Variants in ALMS1 observed in about 807,000 individuals in gnomAD.
ALMS1 encodes the protein centrosome-associated protein ALMS1.
ALMS1 carries 271 observed loss-of-function variants against 352.2 expected under a neutral mutation model. That is an observed-to-expected ratio of 0.77 (90% confidence interval 0.70 to 0.85). The LOEUF (loss-of-function observed/expected upper bound fraction) is 0.85, where lower values mean the gene tolerates loss of function less well. Ranked by LOEUF, ALMS1 falls within the 40% of genes least tolerant of loss-of-function variation. The probability of loss-of-function intolerance (pLI) is 0.00; values close to 1 mark genes in which losing one functional copy is unlikely to be tolerated. For synonymous variants in ALMS1, 1,865 were observed against 1,761.2 expected, an observed-to-expected ratio of 1.06 and a Z score of -1.48; for missense variants, 5,445 against 4,870.7, an observed-to-expected ratio of 1.12 and a Z score of -3.51.
At chr2:73,584,275 A>G (rs1467265761) in intron 16 of ALMS1, among the ~76,000 whole-genome samples, 1 of 152,212 alleles carries the variant, frequency 6.6e-6, no homozygotes, top group African/African-American at 2.4e-5. Flanking sequence ...TAGTATTACT[A>G]TATTGACTAG....
Position 73,559,066 on chromosome 2 carries a change from G to T in ALMS1, c.10308G>T (p.Glu3436Asp). The change falls in exon 15 of 23, where the codon GAG (glutamate) becomes GAT (aspartate). Residue 3436 changes from glutamate (E) to aspartate (D), a missense_variant. Physicochemically the swap from Glu to Asp is conservative, Grantham distance 45. Transcript: ENST00000613296. The stretch of plus-strand genomic sequence containing the variant: ...ACACTAAAGCCATTACACAGAAAGA[G>T]GAGATCCATAGGAAGAAGACAGTTC... Reference protein sequence around the residue: ...LPDTKAITQKEEIHRKKTVPE... With the variant: ...LPDTKAITQKDEIHRKKTVPE... 6.2e-7 allele frequency: 1 copy of T among 1,614,010 alleles called. No individual in the cohort carries two copies. The highest frequency in any genetic ancestry group is 8.5e-7 in the Non-Finnish European group (1 of 1,179,960).
chr2:73,543,213 A>G (rs992060629), intron 12 of ALMS1, among the ~76,000 whole-genome samples: 14 of 152,190 alleles, frequency 9.2e-5, no homozygotes, highest in African/African-American at 3.1e-4. Flanking sequence ...ATAATGCCGC[A>G]TATCTACAGC....
intron 2 of ALMS1, 143 bp downstream of exon 2, chr2:73,408,890 T>TA (rs1671024037): frequency 8.4e-6 from 6 of 711,314 alleles, no homozygotes; most frequent in South Asian, 2.2e-5. Flanking sequence ...TTTTTTTTTT[T>TA]AAGACAGGGT....
intron 16 of ALMS1, among the ~76,000 whole-genome samples, chr2:73,579,071 ATTTATTTT>A (rs1485711940): frequency 7.7e-6 from 1 of 130,470 alleles, no homozygotes; most frequent in East Asian, 2.2e-4. Context: ...TTCTTTTTTT[ATTTATTTT>A]TTTTTTTGAG....
intron 12 of ALMS1, among the ~76,000 whole-genome samples, chr2:73,542,744 T>C (rs1046909763): frequency 7.2e-5 from 11 of 152,012 alleles, no homozygotes; most frequent in African/African-American, 2.7e-4. Context: ...AGCCAAATCA[T>C]GAGTGAACTC....
chr2:73,538,205 C>T (rs1417173168), intron 12 of ALMS1, among the ~76,000 whole-genome samples: 2 of 152,046 alleles, frequency 1.3e-5, no homozygotes, highest in African/African-American at 4.8e-5. Context: ...TACAACTCAA[C>T]AACAATAACC....
In ALMS1 at chr2:73,603,360, T is replaced by C. The variant is rs974500964; in HGVS notation, c.12362+56T>C. 8 of 1,532,284 alleles carry C rather than the reference T, an allele frequency of 5.2e-6. No individual in the cohort carries two copies. The African/African-American group carries it at 9.7e-5, about 19-fold the overall frequency. 94.9% of individuals were successfully genotyped at this position (1,532,284 alleles called of 1,614,324 possible). ...AAGTGTAAACCAGGCCACCAAGTGGTCGGGAGCTCTGGCTTGCACCCAGAA... is the reference window on the plus strand; with the variant it reads ...AAGTGTAAACCAGGCCACCAAGTGGCCGGGAGCTCTGGCTTGCACCCAGAA... On this transcript the variant is annotated intron_variant, in intron 21 of 22. Transcript: ENST00000613296.
rs1376179820 is a variant in ALMS1 at position 73,453,683 on chromosome 2, T to A, written c.7156T>A (p.Ser2386Thr). 1 of 1,614,080 alleles carries A rather than the reference T, an allele frequency of 6.2e-7. No individual in the cohort carries two copies. The highest frequency in any genetic ancestry group is 8.5e-7 in the Non-Finnish European group (1 of 1,180,010). The change falls in exon 8 of 23, where the codon TCT becomes ACT. Residue 2386 changes from serine to threonine, a missense_variant. Coordinates refer to ENST00000613296, the MANE Select transcript of ALMS1 (RefSeq NM_001378454.1). ...ETLRQYQAAK[S>T]VMRSEPEGCS... ...TCTTAGGCAATATCAAGCAGCCAAATCTGTAATGAGGTCTGAACCTGAAGG... is the reference window on the plus strand; with the variant it reads ...TCTTAGGCAATATCAAGCAGCCAAAACTGTAATGAGGTCTGAACCTGAAGG...
Position 73,601,212 on chromosome 2 carries a change from C to T in ALMS1, c.11890C>T (p.Pro3964Ser), listed in dbSNP as rs776483188. The T allele has an allele frequency of 1.2e-6, 2 of 1,614,026 alleles. No homozygotes were observed. Among genetic ancestry groups the T allele is most frequent in the Admixed American group, 1.7e-5 (1 of 60,006 alleles). Residue 3964 changes from proline to serine, a missense_variant, in exon 19 of 23, where the codon CCT (proline) becomes TCT (serine). By Grantham distance (74) the Pro-to-Ser change is moderately conservative. Transcript: ENST00000613296. Reference sequence around the variant, plus strand: ...TCCTGTAGGAGTTTCCTGGTTTGTTCCTGTGGAAAATGTGGAGTCTAGATC... The same window carrying T: ...TCCTGTAGGAGTTTCCTGGTTTGTTTCTGTGGAAAATGTGGAGTCTAGATC... Reference protein sequence around the residue: ...NSHEGVSWFVPVENVESRSKK... With the variant: ...NSHEGVSWFVSVENVESRSKK...
intron 12 of ALMS1, among the ~76,000 whole-genome samples, chr2:73,541,095 A>G (rs139138654): frequency 0.064 from 9,670 of 152,250 alleles, 775 homozygotes; most frequent in African/African-American, 0.17. Context: ...TACCACACCT[A>G]TTCCAAAAGT....
intron 10 of ALMS1, among the ~76,000 whole-genome samples, chr2:73,497,450 T>C (rs1673132549): frequency 6.6e-6 from 1 of 152,138 alleles, no homozygotes; most frequent in South Asian, 2.1e-4. Flanking sequence ...CCCATAGGTT[T>C]ACAGGCATAC....
At chr2:73,464,434 T>G (rs983848314) in intron 9 of ALMS1, among the ~76,000 whole-genome samples, 4 of 152,178 alleles carry the variant, frequency 2.6e-5, no homozygotes, top group African/African-American at 9.7e-5. Flanking sequence ...GAGGTATTGA[T>G]GGGATGTATC....
chr2:73,601,441 A>T lies in ALMS1; in HGVS notation c.12114+5A>T. 1 of 1,613,922 alleles carries T rather than the reference A, an allele frequency of 6.2e-7. No individual in the cohort carries two copies. The highest frequency in any genetic ancestry group is 8.5e-7 in the Non-Finnish European group (1 of 1,179,880). On this transcript the variant is annotated splice_donor_5th_base_variant and intron_variant, in intron 19 of 22. Coordinates refer to ENST00000613296, the MANE Select transcript of ALMS1 (RefSeq NM_001378454.1). ...TTTGTGAGAGCAACCCTTCAGGTGC[A>T]GTGACGTTGACTTAACTTTAATGCT...
rs373614102 is a variant in ALMS1, at chr2:73,385,889, A to C, written c.21A>C (p.Pro7=). The C allele has an allele frequency of 2.4e-6, 2 of 834,196 alleles. No homozygotes were observed. Among genetic ancestry groups the C allele is most frequent in the Non-Finnish European group, 4.0e-6 (2 of 506,102 alleles). The allele number at this position is 834,196 out of a possible 1,614,324, so 51.7% of individuals were successfully genotyped here. Residue 7 remains proline (P), a synonymous_variant, in exon 1 of 23, where the codon CCA becomes CCC. Transcript: ENST00000613296. ...CCAACATGGAGCCCGAGGATCTGCC[A>C]TGGCCGGGCGAGCTGGAGGAGGAGG... MEPEDL[P]WPGELEEEEE... is the part of the protein sequence containing the mutation.
chr2:73,601,406 A>C lies in ALMS1; in HGVS notation c.12084A>C (p.Leu4028=). ...AGPGREAGRD[L]LRPFVRATLQ... ...CAGGCAGAGAGGCTGGCAGAGACCTACTGAGGCCATTTGTGAGAGCAACCC... is the reference window on the plus strand; with the variant it reads ...CAGGCAGAGAGGCTGGCAGAGACCTCCTGAGGCCATTTGTGAGAGCAACCC... Residue 4028 remains leucine (L), a synonymous_variant, in exon 19 of 23, where the codon CTA becomes CTC. Transcript: ENST00000613296. 1 of 1,614,034 alleles carries C rather than the reference A, an allele frequency of 6.2e-7. No individual in the cohort carries two copies. The highest frequency in any genetic ancestry group is 1.1e-5 in the South Asian group (1 of 91,086).
chr2:73,498,058 G>A (rs1234408293), intron 10 of ALMS1, among the ~76,000 whole-genome samples: 6 of 151,984 alleles, frequency 3.9e-5, no homozygotes, highest in Non-Finnish European at 7.4e-5. Context: ...ACACTATACT[G>A]TACTCTATTA....
At chr2:73,500,960 A>G (rs1673206404) in intron 10 of ALMS1, among the ~76,000 whole-genome samples, 1 of 152,154 alleles carries the variant, frequency 6.6e-6, no homozygotes, top group Non-Finnish European at 1.5e-5. Flanking sequence ...TTAACTGCAT[A>G]TGTGAGTTTC....
rs753597356 is a variant in ALMS1, at chr2:73,491,238, A to G, written c.9279A>G (p.Arg3093=). Residue 3093 remains arginine (R), a synonymous_variant, in exon 10 of 23, where the codon AGA becomes AGG. Transcript: ENST00000613296. The part of the protein sequence containing the change: ...FNFDLHTVSS[R]SLEPTSKLLT... ...TTGACTTACATACTGTATCTTCGAGATCACTGGAACCAACCTCCAAATTAT... is the reference window on the plus strand; with the variant it reads ...TTGACTTACATACTGTATCTTCGAGGTCACTGGAACCAACCTCCAAATTAT... 3 of 1,614,140 alleles carry G rather than the reference A, an allele frequency of 1.9e-6. No individual in the cohort carries two copies. The highest frequency in any genetic ancestry group is 2.5e-6 in the Non-Finnish European group (3 of 1,180,006).
intron 15 of ALMS1, among the ~76,000 whole-genome samples, chr2:73,565,486 T>C (rs1674782881): frequency 6.6e-6 from 1 of 152,200 alleles, no homozygotes; most frequent in Admixed American, 6.5e-5. Flanking sequence ...CTGTGCAGAA[T>C]TCTAAATAAT....
Sources: allele counts gnomAD v4.1 joint callset (sites outside exome capture counted in the v4.1 genomes callset), GRCh38; gene constraint gnomAD v4.1.1; transcripts MANE v1.5; gene names NCBI Gene and HGNC (gene_info 2026-07-23, HGNC 2026-07-21).